SLC24A2: variants seen among roughly 807,000 people sequenced by gnomAD.
SLC24A2 encodes solute carrier family 24 member 2, also known as sodium/potassium/calcium exchanger 2.
SLC24A2 carries 36 observed loss-of-function variants against 62.0 expected under a neutral mutation model. The ratio of observed to expected loss-of-function variants is 0.58; its 90% CI spans 0.44 to 0.77. The LOEUF (loss-of-function observed/expected upper bound fraction) is 0.77. SLC24A2 is among the 30% of genes least tolerant of loss of function. The pLI is 0.00. For synonymous variants in SLC24A2, 358 were observed against 294.0 expected, an observed-to-expected ratio of 1.22 and a Z score of -2.23; for missense variants, 846 against 817.9, an observed-to-expected ratio of 1.03 and a Z score of -0.42.
chr9:19,616,109 T>C (rs780530562), intron 4 of SLC24A2, among the ~76,000 whole-genome samples: 8 of 151,500 alleles, frequency 5.3e-5, no homozygotes, highest in Non-Finnish European at 7.4e-5. Context: ...CTGTGGAGAA[T>C]TGGGGAACTG....
At chr9:19,682,580 C>T (rs1487476242) in intron 2 of SLC24A2, among the ~76,000 whole-genome samples, 1 of 152,044 alleles carries the variant, frequency 6.6e-6, no homozygotes, top group Non-Finnish European at 1.5e-5. Context: ...GGCCTGTTTC[C>T]ATGGCAAAGT....
the SLC24A2 span, among the ~76,000 whole-genome samples, chr9:20,033,799 AC>A: frequency 6.6e-6 from 1 of 151,994 alleles, no homozygotes; most frequent in Non-Finnish European, 1.5e-5. Flanking sequence ...TGAATAATCC[AC>A]CCCTTTTTTA....
At chr9:19,691,591 T>G (rs545347021) in intron 2 of SLC24A2, among the ~76,000 whole-genome samples, 17 of 152,300 alleles carry the variant, frequency 1.1e-4, no homozygotes, top group Admixed American at 9.8e-4. Context: ...TCACTTTTCT[T>G]TCACTTCCTC....
At chr9:19,608,793 T>TACACAC (rs111384476) in intron 4 of SLC24A2, among the ~76,000 whole-genome samples, 120 of 145,992 alleles carry the variant, frequency 8.2e-4, no homozygotes, top group African/African-American at 2.9e-3. Flanking sequence ...CACACACACA[T>TACACAC]ACACACACAC....
chr9:20,304,843 A>ATAG, the SLC24A2 span, among the ~76,000 whole-genome samples: 2 of 152,112 alleles, frequency 1.3e-5, no homozygotes, highest in Non-Finnish European at 2.9e-5. Flanking sequence ...GAGCAAGGAC[A>ATAG]TAGTCCTAGG....
At chr9:19,997,237 T>C in the SLC24A2 span, among the ~76,000 whole-genome samples, 3 of 152,092 alleles carry the variant, frequency 2.0e-5, no homozygotes, top group Non-Finnish European at 4.4e-5. Flanking sequence ...ATAATCAGAC[T>C]AGGTGTGAGT....
At chr9:20,091,648 A>T in the SLC24A2 span, among the ~76,000 whole-genome samples, 1 of 152,322 alleles carries the variant, frequency 6.6e-6, no homozygotes, top group Non-Finnish European at 1.5e-5. Flanking sequence ...TCAGATAAGG[A>T]TAAGCAAATG....
chr9:19,992,078 ATTAATG>A, the SLC24A2 span, among the ~76,000 whole-genome samples: 1 of 152,232 alleles, frequency 6.6e-6, no homozygotes, highest in Non-Finnish European at 1.5e-5. Context: ...AAATAGAAAT[ATTAATG>A]TTATCACTTA....
the SLC24A2 span, among the ~76,000 whole-genome samples, chr9:20,040,586 C>G: frequency 6.6e-6 from 1 of 152,202 alleles, no homozygotes; most frequent in Non-Finnish European, 1.5e-5. Flanking sequence ...ATCTGAGTTC[C>G]CATTGGCTCT....
chr9:19,678,028 T>C (rs890149732), intron 2 of SLC24A2, among the ~76,000 whole-genome samples: 2 of 152,130 alleles, frequency 1.3e-5, no homozygotes, highest in African/African-American at 2.4e-5. Flanking sequence ...TTAAATCTTA[T>C]CTCTGTCGCA....
the SLC24A2 span, among the ~76,000 whole-genome samples, chr9:19,956,827 T>G: frequency 6.6e-6 from 1 of 152,158 alleles, no homozygotes; most frequent in African/African-American, 2.4e-5. Flanking sequence ...CATGAAGGCA[T>G]AGCCCTCATG....
chr9:19,696,540 C>A (rs1160315127), intron 2 of SLC24A2, among the ~76,000 whole-genome samples: 2 of 152,116 alleles, frequency 1.3e-5, no homozygotes, highest in African/African-American at 4.8e-5. Flanking sequence ...ATTCAGAGAA[C>A]TTTGAGTATG....
chr9:19,621,297 C>A (rs115685622), intron 3 of SLC24A2, among the ~76,000 whole-genome samples: 214 of 152,278 alleles, frequency 1.4e-3, no homozygotes, highest in Middle Eastern at 6.8e-3. Context: ...CAATGGTGAA[C>A]CAGATTATGG....
the SLC24A2 span, among the ~76,000 whole-genome samples, chr9:20,267,366 C>T: frequency 9.8e-5 from 15 of 152,286 alleles, no homozygotes; most frequent in East Asian, 1.9e-4. Flanking sequence ...ATTGCTTACC[C>T]GGATCCCCCT....
At chr9:20,267,526 G>C in the SLC24A2 span, among the ~76,000 whole-genome samples, 1 of 152,074 alleles carries the variant, frequency 6.6e-6, no homozygotes, top group Admixed American at 6.5e-5. Context: ...CTGAAAAAGG[G>C]GTTCCAGCCT....
chr9:20,070,066 T>C, the SLC24A2 span, among the ~76,000 whole-genome samples: 2 of 152,218 alleles, frequency 1.3e-5, no homozygotes, highest in Admixed American at 1.3e-4. Context: ...ATTATTTATT[T>C]CAGAAACTTC....
At chr9:20,168,852 G>C in the SLC24A2 span, among the ~76,000 whole-genome samples, 1 of 151,980 alleles carries the variant, frequency 6.6e-6, no homozygotes, top group Non-Finnish European at 1.5e-5. Flanking sequence ...ACTCTCAGGT[G>C]TGTATCCCAA....
chr9:20,231,294 GA>G, the SLC24A2 span, among the ~76,000 whole-genome samples: 1 of 152,144 alleles, frequency 6.6e-6, no homozygotes, highest in African/African-American at 2.4e-5. Context: ...GCTTGATGGG[GA>G]TGGCACTGAA....
intron 2 of SLC24A2, among the ~76,000 whole-genome samples, chr9:19,748,693 T>C (rs1821903068): frequency 6.6e-6 from 1 of 151,952 alleles, no homozygotes; most frequent in South Asian, 2.1e-4. Context: ...TTTGTTTGTT[T>C]GTTTGTTGGT....
Sources: allele counts gnomAD v4.1 joint callset (sites outside exome capture counted in the v4.1 genomes callset), GRCh38; gene constraint gnomAD v4.1.1; transcripts MANE v1.5; gene names NCBI Gene and HGNC (gene_info 2026-07-23, HGNC 2026-07-21).